IL34: variants seen among roughly 807,000 people sequenced by gnomAD.
IL34 encodes interleukin 34.
In IL34, 17 loss-of-function variants were observed where a neutral mutation model predicts 25.3. The ratio of observed to expected loss-of-function variants is 0.67; its 90% CI spans 0.46 to 1.01. The LOEUF (loss-of-function observed/expected upper bound fraction) is 1.01, where lower values mean the gene tolerates loss of function less well. Ranked by LOEUF, IL34 falls within the 50% of genes least tolerant of loss-of-function variation. IL34 has a pLI of 0.00. For missense variants in IL34, 368 were observed against 312.9 expected, an observed-to-expected ratio of 1.18 and a Z score of -1.33; for synonymous variants, 174 against 140.9, an observed-to-expected ratio of 1.23 and a Z score of -1.66.
chr16:70,627,595 A>G (rs946007387), intron 1 of IL34, among the ~76,000 whole-genome samples: 3 of 151,916 alleles, frequency 2.0e-5, no homozygotes, highest in Non-Finnish European at 4.4e-5. Context: ...AGTCCTCCCA[A>G]GTAGCTGGGA....
upstream of IL34, among the ~76,000 whole-genome samples, chr16:70,642,657 C>G (rs1449611518): frequency 6.6e-6 from 1 of 152,156 alleles, no homozygotes; most frequent in Non-Finnish European, 1.5e-5. Context: ...TGACCTCATC[C>G]AAACCTAATT....
At chr16:70,583,124 C>T (rs11075771) in intron 1 of IL34, among the ~76,000 whole-genome samples, 151,325 of 152,282 alleles carry the variant, frequency 0.99, 75,193 homozygotes, top group Middle Eastern at 1. Context: ...TGTTGTTTGT[C>T]TTTTTTGAGA....
At chr16:70,621,018 G>A (rs532994737) in intron 1 of IL34, among the ~76,000 whole-genome samples, 10 of 152,104 alleles carry the variant, frequency 6.6e-5, no homozygotes, top group African/African-American at 1.2e-4. Flanking sequence ...GTTGGGGCAC[G>A]GAAATAAGGG....
chr16:70,636,322 C>A (rs895861263), intron 1 of IL34, among the ~76,000 whole-genome samples: 3 of 151,958 alleles, frequency 2.0e-5, no homozygotes, highest in Non-Finnish European at 4.4e-5. Context: ...AGGTGTGAGC[C>A]ACTGTGCCAG....
chr16:70,629,207 TA>T (rs1337984392), intron 1 of IL34, among the ~76,000 whole-genome samples: 1 of 152,248 alleles, frequency 6.6e-6, no homozygotes, highest in African/African-American at 2.4e-5. Flanking sequence ...TTTGCTGATG[TA>T]ATTGCATTGG....
upstream of IL34, among the ~76,000 whole-genome samples, chr16:70,643,975 A>AT (rs753869983): frequency 2.2e-4 from 33 of 151,994 alleles, no homozygotes; most frequent in Non-Finnish European, 4.1e-4. Context: ...AAGAGTGATC[A>AT]TTTTTTTCTT....
intron 1 of IL34, among the ~76,000 whole-genome samples, chr16:70,607,640 A>G (rs572282843): frequency 1.3e-5 from 2 of 152,244 alleles, no homozygotes; most frequent in South Asian, 2.1e-4. Context: ...GCCCCTTTTC[A>G]GGTTAAGGAA....
At chr16:70,654,768 T>C in intron 2 of IL34, 97 bp downstream of exon 2, 1 of 1,458,112 alleles carries the variant, frequency 6.9e-7, no homozygotes, top group South Asian at 1.4e-5. Context: ...AGGACCTGTG[T>C]CAGCCCTGAG....
intron 1 of IL34, among the ~76,000 whole-genome samples, chr16:70,589,005 G>A (rs1304990124): frequency 6.6e-6 from 1 of 152,102 alleles, no homozygotes; most frequent in Non-Finnish European, 1.5e-5. Context: ...TGTATTTAAT[G>A]CCACTGGGAA....
At chr16:70,589,202 C>A (rs763072495) in intron 1 of IL34, among the ~76,000 whole-genome samples, 25 of 151,636 alleles carry the variant, frequency 1.6e-4, no homozygotes, top group South Asian at 8.4e-4. Context: ...GTCACACACA[C>A]AAAAAATAAT....
At chr16:70,609,834 G>C (rs544571295) in intron 1 of IL34, among the ~76,000 whole-genome samples, 1 of 152,190 alleles carries the variant, frequency 6.6e-6, no homozygotes, top group Non-Finnish European at 1.5e-5. Context: ...CCAGTGGGGA[G>C]AGAGAAACTC....
chr16:70,629,440 G>A (rs575093696), intron 1 of IL34, among the ~76,000 whole-genome samples: 5 of 151,960 alleles, frequency 3.3e-5, no homozygotes, highest in South Asian at 4.2e-4. Context: ...GTATACTTGC[G>A]GAACCGGTTC....
chr16:70,625,630 CAG>C (rs1238825889), intron 1 of IL34, among the ~76,000 whole-genome samples: 4 of 152,092 alleles, frequency 2.6e-5, no homozygotes, highest in African/African-American at 7.2e-5. Flanking sequence ...GGTGAATAAT[CAG>C]AGAGGTGTCC....
chr16:70,586,827 C>T (rs761973683), intron 1 of IL34, among the ~76,000 whole-genome samples: 1 of 152,326 alleles, frequency 6.6e-6, no homozygotes. Context: ...AGCTTGCCCA[C>T]GGTCACGCAG....
intron 1 of IL34, among the ~76,000 whole-genome samples, chr16:70,581,207 C>T (rs747084618): frequency 9.2e-5 from 14 of 152,126 alleles, no homozygotes; most frequent in African/African-American, 1.4e-4. Flanking sequence ...CCACCACGCC[C>T]GGCCAACTTT....
chr16:70,582,049 C>T (rs1399365604), intron 1 of IL34, among the ~76,000 whole-genome samples: 1 of 152,252 alleles, frequency 6.6e-6, no homozygotes, highest in Non-Finnish European at 1.5e-5. Flanking sequence ...CCCTCTTCCC[C>T]AAGCCTGGGG....
At chr16:70,656,737 C>G in intron 3 of IL34, 58 bp downstream of exon 3, 3 of 999,142 alleles carry the variant, frequency 3.0e-6, no homozygotes, top group African/African-American at 1.6e-5. Context: ...CGGTGGGCCC[C>G]AGCCTCAGAG....
intron 1 of IL34, among the ~76,000 whole-genome samples, chr16:70,583,615 T>A (rs2050659348): frequency 6.6e-6 from 1 of 151,952 alleles, no homozygotes; most frequent in Non-Finnish European, 1.5e-5. Context: ...GTTGGGGCCC[T>A]GGGTGCTGGG....
chr16:70,623,824 T>C (rs1462996576), intron 1 of IL34, among the ~76,000 whole-genome samples: 13 of 151,044 alleles, frequency 8.6e-5, no homozygotes, highest in African/African-American at 3.2e-4. Context: ...GAGTATCATC[T>C]AAGTTGGCAC....
Sources: gnomAD v4.1 joint callset for allele counts (sites outside exome capture counted in the v4.1 genomes callset) on GRCh38, gnomAD v4.1.1 for gene constraint, MANE v1.5 for transcripts, NCBI Gene and HGNC (gene_info 2026-07-23, HGNC 2026-07-21) for gene names.